The following GNG3 variants were observed in gnomAD, a reference collection of about 807,000 sequenced individuals.
The protein encoded by GNG3 is guanine nucleotide-binding protein G(I)/G(S)/G(O) subunit gamma-3.
Under a neutral mutation model 5.6 loss-of-function variants are expected in GNG3, and 4 were observed. The observed-to-expected ratio is 0.71, with a 90% CI of 0.35 to 1.63. The LOEUF is 1.63. Ranked by LOEUF, GNG3 falls within the 40% of genes most tolerant of loss-of-function variation. The pLI, the probability that GNG3 is intolerant of heterozygous loss-of-function variation, is 0.05. For synonymous variants in GNG3, 30 were observed against 33.5 expected (o/e 0.89, Z 0.36); for missense variants, 62 against 96.6 (o/e 0.64, Z 1.50).
At chr11:62,708,645 T>TGCAA in intron 2 of GNG3, 33 bp from the exon 3 acceptor site, 1 of 1,611,410 alleles carries the variant, frequency 6.2e-7, no homozygotes, top group Non-Finnish European at 8.5e-7. Flanking sequence ...TCAGAGGTCC[T>TGCAA]GGCTAACAAT....
intron 1 of GNG3, 50 bp from the exon 2 acceptor site, chr11:62,708,245 G>A (rs2083576315): frequency 8.4e-7 from 1 of 1,189,828 alleles, no homozygotes; most frequent in Non-Finnish European, 1.3e-6. Flanking sequence ...TGAGCATGGA[G>A]GGGGGCCTCC....
At position 62,708,851 on chromosome 11, in the gene GNG3, G is replaced by A. The variant is rs1565155444; in HGVS notation, c.*45G>A. Reference sequence around the variant, plus strand: ...CAACTCCTCCCTTTTCCCTCTCCTGGGCCCTTCCTTAGGTCAGTAATTGTT... The same window carrying A: ...CAACTCCTCCCTTTTCCCTCTCCTGAGCCCTTCCTTAGGTCAGTAATTGTT... On this transcript the variant is annotated 3_prime_UTR_variant, in exon 3 of 3. Coordinates refer to ENST00000294117, the MANE Select transcript of GNG3 (RefSeq NM_012202.5). The A allele has an allele frequency of 2.0e-6, 3 of 1,482,148 alleles. No individual in the cohort carries two copies. The highest frequency in any genetic ancestry group is 2.3e-5 in the South Asian group (2 of 86,996). 91.8% of individuals were successfully genotyped at this position (1,482,148 alleles called of 1,614,324 possible). A position where few individuals can be genotyped will look rare whatever the true frequency, so the allele number is the denominator to read the frequency against.
chr11:62,707,588 A>G, upstream of GNG3: 1 of 564,862 alleles, frequency 1.8e-6, no homozygotes, highest in Non-Finnish European at 3.2e-6. Flanking sequence ...GCAGTGAACT[A>G]GCGACAGTGG....
upstream of GNG3, chr11:62,706,647 G>A (rs1001126910): frequency 2.1e-6 from 1 of 474,398 alleles, no homozygotes; most frequent in Non-Finnish European, 4.4e-6. Context: ...CGAAGCGGCC[G>A]AGTGAGGCGG....
At position 62,709,020 on chromosome 11, in the gene GNG3, T is replaced by C; in HGVS notation, c.*214T>C. 1.8e-6 allele frequency: 1 copy of C among 552,992 alleles called. No homozygotes were observed. Among genetic ancestry groups the C allele is most frequent in the Non-Finnish European group, 3.3e-6 (1 of 304,520 alleles). The allele number at this position is 552,992 out of a possible 1,614,324, so 34.3% of individuals were successfully genotyped here. Reference sequence around the variant, plus strand: ...GCCGACCCCAAGCACCCCAGAGATATGAGGCACCCTTTGCTCCACCCACAG... The same window carrying C: ...GCCGACCCCAAGCACCCCAGAGATACGAGGCACCCTTTGCTCCACCCACAG... On this transcript the variant is annotated 3_prime_UTR_variant, in exon 3 of 3. Transcript: ENST00000294117.
At chr11:62,708,587 G>A in intron 2 of GNG3, 91 bp from the exon 3 acceptor site, 1 of 1,558,356 alleles carries the variant, frequency 6.4e-7, no homozygotes, top group East Asian at 2.3e-5. Context: ...AAGGAGCCCT[G>A]GAGATGGCAA....
intron 2 of GNG3, 26 bp from the exon 3 acceptor site, chr11:62,708,652 C>T (rs772575979): frequency 3.7e-6 from 6 of 1,612,510 alleles, no homozygotes; most frequent in Non-Finnish European, 5.1e-6. Flanking sequence ...TCCTGGCTAA[C>T]AATACCCTTC....
chr11:62,707,878 C>CCTACA lies in GNG3; in HGVS notation c.-37_-33dup, dbSNP rs1401752565. ...GAAGGTTTTGGTACCCTCCACTGAC[C>CCTACA]CTACACCCAGGGCTGCTACTGCCGC... is the stretch of plus-strand genomic sequence containing the variant. On this transcript the variant is annotated 5_prime_UTR_variant, in exon 1 of 3. Transcript: ENST00000294117. The CCTACA allele has an allele frequency of 1.8e-5, 5 of 272,538 alleles. No homozygotes were observed. The highest frequency in any genetic ancestry group is 1.1e-4 in the African/African-American group (5 of 46,048). 16.9% of individuals were successfully genotyped at this position (272,538 alleles called of 1,614,324 possible).
chr11:62,707,660 A>C (rs1273331203), upstream of GNG3: 1 of 443,876 alleles, frequency 2.3e-6, no homozygotes, highest in Non-Finnish European at 4.2e-6. Flanking sequence ...GGTATGCTCC[A>C]GGATCTGAGC....
At position 62,708,282 on chromosome 11, in the gene GNG3, C is replaced by T; in HGVS notation, c.-1-13C>T. The stretch of plus-strand genomic sequence containing the variant: ...GCTGAGACTGTGCTCTGAGAGGTCC[C>T]TCTTTTTTCCAGGATGAAAGGTGAG... On this transcript the variant is annotated splice_polypyrimidine_tract_variant and intron_variant, in intron 1 of 2. Coordinates refer to ENST00000294117, the MANE Select transcript of GNG3 (RefSeq NM_012202.5). 1 of 1,572,962 alleles carries T rather than the reference C, an allele frequency of 6.4e-7. No individual in the cohort carries two copies. Among genetic ancestry groups the T allele is most frequent in the Non-Finnish European group, 8.8e-7 (1 of 1,142,330 alleles).
At chr11:62,707,284 T>A, upstream of GNG3, 1 of 1,124,880 alleles carries the variant, frequency 8.9e-7, no homozygotes, top group Non-Finnish European at 1.3e-6. Context: ...CTGATACCTG[T>A]GGCGCATCAC....
Position 62,709,058 on chromosome 11 carries a change from A to T in GNG3, c.*252A>T. The T allele has an allele frequency of 4.0e-6, 2 of 502,726 alleles. No homozygotes were observed. The highest frequency in any genetic ancestry group is 8.1e-5 in the East Asian group (2 of 24,624). 31.1% of individuals were successfully genotyped at this position (502,726 alleles called of 1,614,324 possible). On this transcript the variant is annotated 3_prime_UTR_variant, in exon 3 of 3. Coordinates refer to ENST00000294117, the MANE Select transcript of GNG3 (RefSeq NM_012202.5). ...GCTCCACCCACAGCAGGGCCCCGTC[A>T]GACTCTGCCAGCGCGTCCTGCCCGC...
chr11:62,706,446 C>G (rs189232519), upstream of GNG3: 50 of 426,870 alleles, frequency 1.2e-4, no homozygotes, highest in African/African-American at 9.8e-4. Flanking sequence ...TGTCTCCTTG[C>G]GCTCGCCACT....
upstream of GNG3, chr11:62,706,693 T>A (rs192373485): frequency 3.3e-5 from 16 of 482,030 alleles, no homozygotes; most frequent in East Asian, 1.1e-3. Context: ...CGCCCACAGC[T>A]CCTAGGACCT....
At chr11:62,706,992 A>T, upstream of GNG3, 1 of 885,740 alleles carries the variant, frequency 1.1e-6, no homozygotes, top group Non-Finnish European at 1.8e-6. Context: ...CGGGCGTGGG[A>T]AGTAATCTAT....
At chr11:62,706,749 T>G (rs1440526367), upstream of GNG3, 3 of 520,098 alleles carry the variant, frequency 5.8e-6, no homozygotes, top group Middle Eastern at 3.0e-4. Flanking sequence ...TGTTGCAGTT[T>G]GCGGCAACCT....
intron 1 of GNG3, 188 bp downstream of exon 1, chr11:62,708,103 G>T: frequency 3.3e-6 from 2 of 606,236 alleles, no homozygotes; most frequent in Non-Finnish European, 6.0e-6. Context: ...AGTTTGGGGA[G>T]CACCTCATCC....
upstream of GNG3, chr11:62,706,783 G>T: frequency 1.8e-6 from 1 of 561,140 alleles, no homozygotes; most frequent in South Asian, 1.6e-5. Flanking sequence ...TGTTGCGCAG[G>T]CAGATTAGTG....
chr11:62,706,654 G>A (rs1408667021), upstream of GNG3: 2 of 475,182 alleles, frequency 4.2e-6, no homozygotes, highest in East Asian at 1.4e-4. Flanking sequence ...GCCGAGTGAG[G>A]CGGTCATCCA....
Sources: gnomAD v4.1 joint callset for allele counts on GRCh38, gnomAD v4.1.1 for gene constraint, MANE v1.5 for transcripts, NCBI Gene and HGNC (gene_info 2026-07-23, HGNC 2026-07-21) for gene names.